Variants in STK33 observed in about 807,000 individuals in gnomAD.
STK33 encodes serine/threonine kinase 33, also known as serine/threonine-protein kinase 33.
Under a neutral mutation model 58.0 loss-of-function variants are expected in STK33, and 52 were observed. The ratio of observed to expected loss-of-function variants is 0.90; its 90% CI spans 0.72 to 1.13. The LOEUF (loss-of-function observed/expected upper bound fraction) is 1.13, where lower values mean the gene tolerates loss of function less well. Ranked by LOEUF, STK33 falls within the 50% of genes most tolerant of loss-of-function variation. The probability of loss-of-function intolerance (pLI) is 0.00; values close to 1 mark genes in which losing one functional copy is unlikely to be tolerated. For missense variants in STK33, 630 were observed against 604.2 expected, an observed-to-expected ratio of 1.04 and a Z score of -0.45; for synonymous variants, 215 against 200.1, an observed-to-expected ratio of 1.07 and a Z score of -0.63.
At chr11:8,386,729 T>C in the STK33 span, among the ~76,000 whole-genome samples, 1 of 152,104 alleles carries the variant, frequency 6.6e-6, no homozygotes, top group African/African-American at 2.4e-5. Flanking sequence ...CGCCTAACCG[T>C]CCTCTAAAGA....
intron 14 of STK33, among the ~76,000 whole-genome samples, chr11:8,418,657 C>T (rs1035425647): frequency 6.6e-6 from 1 of 152,056 alleles, no homozygotes; most frequent in Non-Finnish European, 1.5e-5. Flanking sequence ...TCTGAGGAAT[C>T]GCCACACTGC....
intron 1 of STK33, among the ~76,000 whole-genome samples, chr11:8,549,800 G>A (rs1283815198): frequency 6.6e-6 from 1 of 151,986 alleles, no homozygotes; most frequent in Non-Finnish European, 1.5e-5. Context: ...ATGATCCTTT[G>A]TATTTCTGTG....
At position 8,392,175 on chromosome 11, in the gene STK33, A is replaced by T. The variant is rs1848666692; in HGVS notation, c.*335T>A. On this transcript the variant is annotated 3_prime_UTR_variant, in exon 16 of 16. Transcript: ENST00000687296. ...TTCCCCTATAAATAGCTGTGCCTAA[A>T]CATAAGAATTTGAAGTAAAAATGAG... is the stretch of plus-strand genomic sequence containing the variant. The T allele has an allele frequency of 1.8e-5, 5 of 282,664 alleles. No homozygotes were observed. In the South Asian group the frequency reaches 3.4e-4, roughly 19 times the overall value. The allele number at this position is 282,664 out of a possible 1,614,324, so 17.5% of individuals were successfully genotyped here. A position where few individuals can be genotyped will look rare whatever the true frequency, so the allele number is the denominator to read the frequency against.
intron 8 of STK33, among the ~76,000 whole-genome samples, chr11:8,460,273 C>G (rs1373231106): frequency 1.3e-5 from 2 of 151,926 alleles, no homozygotes; most frequent in Non-Finnish European, 2.9e-5. Flanking sequence ...TGAAACTGAT[C>G]TAGAAATGAC....
At chr11:8,448,171 T>C (rs1197779110) in intron 11 of STK33, among the ~76,000 whole-genome samples, 3 of 152,104 alleles carry the variant, frequency 2.0e-5, no homozygotes, top group Non-Finnish European at 4.4e-5. Context: ...TGCTCACGGG[T>C]AGGAAGAATC....
At chr11:8,391,395 G>A (rs966096880), downstream of STK33, among the ~76,000 whole-genome samples, 1 of 152,220 alleles carries the variant, frequency 6.6e-6, no homozygotes, top group African/African-American at 2.4e-5. Context: ...GGGCAACACA[G>A]GCCAGTGCTA....
At chr11:8,464,022 T>G (rs773196180) in intron 7 of STK33, among the ~76,000 whole-genome samples, 22 of 152,232 alleles carry the variant, frequency 1.4e-4, no homozygotes, top group African/African-American at 5.3e-4. Flanking sequence ...CCTACCATTT[T>G]GTTTTTTAAA....
At chr11:8,362,419 T>C in the STK33 span, among the ~76,000 whole-genome samples, 1 of 152,190 alleles carries the variant, frequency 6.6e-6, no homozygotes, top group African/African-American at 2.4e-5. Flanking sequence ...TGATGTCTAA[T>C]GCCCACACAC....
At chr11:8,420,780 T>G (rs117218571) in intron 14 of STK33, among the ~76,000 whole-genome samples, 7,316 of 152,284 alleles carry the variant, frequency 0.048, 254 homozygotes, top group Non-Finnish European at 0.065. Flanking sequence ...GAGGATCACT[T>G]GAGCTCAGGA....
At chr11:8,428,209 C>T (rs985341598) in intron 14 of STK33, among the ~76,000 whole-genome samples, 1 of 152,210 alleles carries the variant, frequency 6.6e-6, no homozygotes, top group African/African-American at 2.4e-5. Context: ...ATGCCTACAA[C>T]GAGTTAATTC....
intron 6 of STK33, among the ~76,000 whole-genome samples, chr11:8,472,219 A>G (rs1010747211): frequency 2.0e-4 from 30 of 152,000 alleles, no homozygotes; most frequent in African/African-American, 7.2e-4. Flanking sequence ...ATGAGCCATC[A>G]TGCCTGGCCC....
At chr11:8,582,823 T>C (rs1457467500) in intron 1 of STK33, among the ~76,000 whole-genome samples, 2 of 152,202 alleles carry the variant, frequency 1.3e-5, no homozygotes, top group African/African-American at 4.8e-5. Context: ...ACCAATGAGA[T>C]AAGTCACCAA....
chr11:8,589,255 A>C (rs995734529), intron 1 of STK33, among the ~76,000 whole-genome samples: 7 of 152,196 alleles, frequency 4.6e-5, no homozygotes, highest in African/African-American at 1.4e-4. Flanking sequence ...AAAAAAAGAA[A>C]ATAACCCAAA....
At chr11:8,571,571 C>T (rs1402603784) in intron 1 of STK33, among the ~76,000 whole-genome samples, 1 of 152,092 alleles carries the variant, frequency 6.6e-6, no homozygotes, top group Non-Finnish European at 1.5e-5. Flanking sequence ...TGGTGGCTCA[C>T]GCCTGTAATC....
At chr11:8,579,504 G>A (rs974256184) in intron 1 of STK33, among the ~76,000 whole-genome samples, 1 of 151,686 alleles carries the variant, frequency 6.6e-6, no homozygotes, top group Non-Finnish European at 1.5e-5. Flanking sequence ...TATCTCTCTT[G>A]TAGATGAATA....
At chr11:8,516,604 G>A (rs761775656) in intron 1 of STK33, among the ~76,000 whole-genome samples, 17 of 152,226 alleles carry the variant, frequency 1.1e-4, no homozygotes, top group Non-Finnish European at 2.1e-4. Context: ...GTGATAGATG[G>A]TACCTGGAAA....
chr11:8,338,484 G>A, the STK33 span, among the ~76,000 whole-genome samples: 2 of 152,140 alleles, frequency 1.3e-5, no homozygotes, highest in East Asian at 1.9e-4. Flanking sequence ...AGACCCAGCC[G>A]GCCAGGACGG....
intron 1 of STK33, among the ~76,000 whole-genome samples, chr11:8,486,485 C>T (rs1256349090): frequency 1.3e-5 from 2 of 152,132 alleles, no homozygotes; most frequent in Non-Finnish European, 2.9e-5. Flanking sequence ...ACATCATCTC[C>T]CCTGAAATTC....
At chr11:8,515,565 A>G (rs1424672521) in intron 1 of STK33, among the ~76,000 whole-genome samples, 1 of 152,202 alleles carries the variant, frequency 6.6e-6, no homozygotes, top group African/African-American at 2.4e-5. Flanking sequence ...TCTGATGAAT[A>G]CAGATGTAAA....
Sources: gnomAD v4.1 joint callset for allele counts (sites outside exome capture counted in the v4.1 genomes callset) on GRCh38, gnomAD v4.1.1 for gene constraint, MANE v1.5 for transcripts, NCBI Gene and HGNC (gene_info 2026-07-23, HGNC 2026-07-21) for gene names.